The following ERBB4 variants were observed in gnomAD, a reference collection of about 807,000 sequenced individuals.
ERBB4 encodes the protein receptor tyrosine-protein kinase erbB-4.
ERBB4 carries 42 observed loss-of-function variants against 158.0 expected under a neutral mutation model. The ratio of observed to expected loss-of-function variants is 0.27; its 90% CI spans 0.21 to 0.34. The LOEUF (loss-of-function observed/expected upper bound fraction) is 0.34. Ranked by LOEUF, ERBB4 falls within the 10% of genes least tolerant of loss-of-function variation. The pLI is 1.00. For missense variants in ERBB4, 1,333 were observed against 1,624.1 expected (o/e 0.82, Z 3.08); for synonymous variants, 583 against 558.7 (o/e 1.04, Z -0.61).
intron 3 of ERBB4, among the ~76,000 whole-genome samples, chr2:211,846,716 G>A (rs533729261): frequency 6.6e-6 from 1 of 152,134 alleles, no homozygotes; most frequent in East Asian, 1.9e-4. Flanking sequence ...AGTAAAAAAT[G>A]TCAACAATTT....
At chr2:212,406,006 C>T (rs1013147313) in intron 1 of ERBB4, among the ~76,000 whole-genome samples, 12 of 151,986 alleles carry the variant, frequency 7.9e-5, no homozygotes, top group Non-Finnish European at 4.4e-5. Flanking sequence ...CTAAGAATAT[C>T]GAGGGACAAG....
chr2:211,767,686 C>G (rs1216895781), intron 4 of ERBB4, among the ~76,000 whole-genome samples: 1 of 152,124 alleles, frequency 6.6e-6, no homozygotes, highest in Non-Finnish European at 1.5e-5. Flanking sequence ...ATAAAACCAT[C>G]AGATCTTGTA....
At chr2:212,296,974 A>G (rs2086437010) in intron 1 of ERBB4, among the ~76,000 whole-genome samples, 1 of 151,668 alleles carries the variant, frequency 6.6e-6, no homozygotes, top group African/African-American at 2.4e-5. Flanking sequence ...AACGCTACTA[A>G]TCCTTCTTCA....
intron 2 of ERBB4, among the ~76,000 whole-genome samples, chr2:212,075,937 T>C (rs907741091): frequency 6.6e-6 from 1 of 151,944 alleles, no homozygotes; most frequent in African/African-American, 2.4e-5. Flanking sequence ...CCTCATCAGC[T>C]TGAAATCCAG....
chr2:211,844,707 G>A (rs2077550608), intron 3 of ERBB4, among the ~76,000 whole-genome samples: 1 of 152,040 alleles, frequency 6.6e-6, no homozygotes, highest in African/African-American at 2.4e-5. Flanking sequence ...TGTTTGTTTA[G>A]TTTGGCTGCA....
chr2:211,596,908 G>A (rs1028041783), intron 19 of ERBB4, among the ~76,000 whole-genome samples: 11 of 152,002 alleles, frequency 7.2e-5, no homozygotes, highest in African/African-American at 2.2e-4. Context: ...GGAATTACAC[G>A]TGCCTGCCAC....
At chr2:212,377,330 G>A (rs973699466) in intron 1 of ERBB4, among the ~76,000 whole-genome samples, 4 of 150,960 alleles carry the variant, frequency 2.6e-5, no homozygotes, top group Non-Finnish European at 5.9e-5. Context: ...ATAGAGATAT[G>A]TTCTGATAAA....
At chr2:212,492,503 G>T (rs1423635675) in intron 1 of ERBB4, among the ~76,000 whole-genome samples, 1 of 151,258 alleles carries the variant, frequency 6.6e-6, no homozygotes, top group African/African-American at 2.4e-5. Flanking sequence ...TTTAATATTA[G>T]GACTGGATTA....
intron 16 of ERBB4, among the ~76,000 whole-genome samples, chr2:211,641,853 A>G (rs2070606219): frequency 6.6e-6 from 1 of 152,028 alleles, no homozygotes; most frequent in Non-Finnish European, 1.5e-5. Flanking sequence ...TGATTTAGGT[A>G]TTTATAATTA....
At chr2:212,137,609 A>T (rs1419750228) in intron 1 of ERBB4, among the ~76,000 whole-genome samples, 1 of 152,164 alleles carries the variant, frequency 6.6e-6, no homozygotes, top group Non-Finnish European at 1.5e-5. Context: ...TGTATTTGCT[A>T]TTGTGAACAA....
intron 20 of ERBB4, among the ~76,000 whole-genome samples, chr2:211,509,152 GGA>G (rs1292763610): frequency 9.4e-6 from 1 of 106,362 alleles, no homozygotes; most frequent in Non-Finnish European, 2.2e-5. Context: ...ATGGACACAG[GGA>G]GGGGGGAGTA....
At chr2:211,758,837 T>C (rs1387555493) in intron 4 of ERBB4, among the ~76,000 whole-genome samples, 1 of 152,246 alleles carries the variant, frequency 6.6e-6, no homozygotes, top group Non-Finnish European at 1.5e-5. Flanking sequence ...TCTAAGCATT[T>C]TGGATATATT....
At chr2:211,460,321 T>A (rs1212443164) in intron 20 of ERBB4, among the ~76,000 whole-genome samples, 3 of 152,182 alleles carry the variant, frequency 2.0e-5, no homozygotes, top group Non-Finnish European at 4.4e-5. Flanking sequence ...AACAGATTTA[T>A]CTTTGTAAAA....
At chr2:211,722,865 CACTGACA>C (rs2074147542) in intron 6 of ERBB4, among the ~76,000 whole-genome samples, 1 of 152,184 alleles carries the variant, frequency 6.6e-6, no homozygotes, top group African/African-American at 2.4e-5. Flanking sequence ...TAAAGTATAG[CACTGACA>C]ACCAAATCCC....
At chr2:212,045,213 G>A (rs1054297117) in intron 2 of ERBB4, among the ~76,000 whole-genome samples, 11 of 152,030 alleles carry the variant, frequency 7.2e-5, no homozygotes, top group Admixed American at 4.6e-4. Context: ...TAATCCCAGC[G>A]CTTTGGGAGG....
At chr2:211,389,287 G>A (rs904399929) in intron 25 of ERBB4, among the ~76,000 whole-genome samples, 3 of 151,988 alleles carry the variant, frequency 2.0e-5, no homozygotes, top group Non-Finnish European at 2.9e-5. Context: ...CGCCTGCCTC[G>A]GCCTCTCAAA....
At position 211,740,503 on chromosome 2, in the gene ERBB4, C is replaced by A. The variant is rs552691631; in HGVS notation, c.622+10136G>T. On this transcript the variant is annotated intron_variant, in intron 5 of 27. Transcript: ENST00000342788. ...TATAATGGACAAAAACGTGGCTTGG[C>A]ACAAGAAAAGTTGACCTGTATCCAG... Among the ~76,000 whole-genome samples the A allele has an allele frequency of 6.8e-4, 104 of 151,894 alleles. 1 individual carries two copies. The highest frequency in any genetic ancestry group is 3.9e-4 in the East Asian group (2 of 5,186).
chr2:212,184,064 T>A (rs2081947428), intron 1 of ERBB4, among the ~76,000 whole-genome samples: 1 of 152,144 alleles, frequency 6.6e-6, no homozygotes, highest in Non-Finnish European at 1.5e-5. Context: ...TAACTGCTTT[T>A]CTCCTGCCTT....
chr2:211,618,571 C>T (rs994443686), intron 19 of ERBB4, among the ~76,000 whole-genome samples: 1 of 152,024 alleles, frequency 6.6e-6, no homozygotes, highest in Admixed American at 6.6e-5. Flanking sequence ...AAAGTCTAGA[C>T]CTGCCATTTT....
Sources: allele counts gnomAD v4.1 joint callset (sites outside exome capture counted in the v4.1 genomes callset), GRCh38; gene constraint gnomAD v4.1.1; transcripts MANE v1.5; gene names NCBI Gene and HGNC (gene_info 2026-07-23, HGNC 2026-07-21).